The following PKHD1 variants were observed in gnomAD, a reference collection of about 807,000 sequenced individuals.
The protein encoded by PKHD1 is fibrocystin.
PKHD1 carries 291 observed loss-of-function variants against 412.0 expected under a neutral mutation model. That is an observed-to-expected ratio of 0.71 (90% CI 0.64 to 0.78). The LOEUF (loss-of-function observed/expected upper bound fraction) is 0.78. PKHD1 is among the 30% of genes least tolerant of loss of function. The pLI is 0.00. For missense variants in PKHD1, 4,825 were observed against 4,950.7 expected, an observed-to-expected ratio of 0.97 and a Z score of 0.76; for synonymous variants, 1,777 against 1,821.5, an observed-to-expected ratio of 0.98 and a Z score of 0.62.
chr6:52,045,143 T>C, intron 24 of PKHD1, 55 bp from the exon 25 acceptor site: 1 of 1,564,208 alleles, frequency 6.4e-7, no homozygotes, highest in Non-Finnish European at 8.8e-7. Flanking sequence ...TCTAATCTCG[T>C]CTAATCAAAT....
chr6:51,965,035 A>G (rs937676511), intron 35 of PKHD1, among the ~76,000 whole-genome samples: 1 of 152,048 alleles, frequency 6.6e-6, no homozygotes, highest in Admixed American at 6.6e-5. Flanking sequence ...TATTCTCCCA[A>G]TTAATACTCT....
intron 63 of PKHD1, among the ~76,000 whole-genome samples, chr6:51,646,983 C>G (rs751773569): frequency 6.6e-6 from 1 of 152,134 alleles, no homozygotes; most frequent in African/African-American, 2.4e-5. Context: ...AGAGCGCAGC[C>G]CAAACTCCCC....
At chr6:51,853,648 G>A (rs1289633092) in intron 49 of PKHD1, among the ~76,000 whole-genome samples, 1 of 151,714 alleles carries the variant, frequency 6.6e-6, no homozygotes, top group Non-Finnish European at 1.5e-5. Flanking sequence ...TTGTGTGCAT[G>A]TCTTATTTCA....
chr6:51,796,940 A>C (rs564964812), intron 52 of PKHD1, among the ~76,000 whole-genome samples: 1 of 151,316 alleles, frequency 6.6e-6, no homozygotes, highest in African/African-American at 2.4e-5. Context: ...CAGGCTCCTG[A>C]GTAGCTGGGA....
At chr6:52,079,621 G>A (rs1317562647) in intron 5 of PKHD1, among the ~76,000 whole-genome samples, 1 of 152,166 alleles carries the variant, frequency 6.6e-6, no homozygotes, top group Non-Finnish European at 1.5e-5. Context: ...CTGAGCCTCA[G>A]ATTGTTCATT....
intron 60 of PKHD1, among the ~76,000 whole-genome samples, chr6:51,670,890 G>T (rs1360492974): frequency 6.6e-6 from 1 of 151,772 alleles, no homozygotes; most frequent in African/African-American, 2.4e-5. Context: ...CTCTCTTCTG[G>T]CTTGTAGAGT....
intron 52 of PKHD1, among the ~76,000 whole-genome samples, chr6:51,817,621 T>C (rs1179548842): frequency 6.6e-6 from 1 of 152,176 alleles, no homozygotes; most frequent in Non-Finnish European, 1.5e-5. Context: ...CGTTCACCGA[T>C]TATGAATGAA....
intron 1 of PKHD1, among the ~76,000 whole-genome samples, chr6:52,085,779 G>T (rs2894796): frequency 0.038 from 5,725 of 152,078 alleles, 117 homozygotes; most frequent in Non-Finnish European, 0.049. Flanking sequence ...CAGTACATTG[G>T]AGTGGATGAA....
intron 36 of PKHD1, among the ~76,000 whole-genome samples, chr6:51,959,664 T>C (rs141619388): frequency 4.9e-4 from 74 of 152,160 alleles, no homozygotes; most frequent in African/African-American, 1.7e-3. Flanking sequence ...CTAATCAAGC[T>C]CTGTGCTTAT....
intron 55 of PKHD1, among the ~76,000 whole-genome samples, chr6:51,769,049 A>G (rs994479246): frequency 4.6e-5 from 7 of 151,634 alleles, no homozygotes; most frequent in Non-Finnish European, 7.4e-5. Context: ...GTTCACTTGA[A>G]TGAAACACAT....
chr6:51,874,619 G>A (rs1413420322), intron 46 of PKHD1, among the ~76,000 whole-genome samples: 1 of 152,074 alleles, frequency 6.6e-6, no homozygotes, highest in Non-Finnish European at 1.5e-5. Context: ...CAATGGACAG[G>A]CCAAATTCTT....
intron 36 of PKHD1, among the ~76,000 whole-genome samples, chr6:51,943,596 G>C (rs549014228): frequency 7.9e-5 from 12 of 151,548 alleles, no homozygotes; most frequent in Admixed American, 3.3e-4. Context: ...AATAATCTTT[G>C]CTGGCAGGGC....
chr6:52,070,276 C>T, intron 10 of PKHD1, 130 bp downstream of exon 10: 1 of 708,714 alleles, frequency 1.4e-6, no homozygotes, highest in Non-Finnish European at 2.5e-6. Context: ...TATGTGGTCT[C>T]ATTATACTAT....
chr6:51,700,544 G>C (rs1044270575), intron 60 of PKHD1, among the ~76,000 whole-genome samples: 1 of 152,000 alleles, frequency 6.6e-6, no homozygotes, highest in Non-Finnish European at 1.5e-5. Context: ...CCAAGTGGAA[G>C]ACAATAGCAC....
intron 43 of PKHD1, among the ~76,000 whole-genome samples, chr6:51,900,760 A>G (rs376592810): frequency 2.6e-5 from 4 of 151,622 alleles, no homozygotes; most frequent in East Asian, 1.9e-4. Flanking sequence ...GAAAATTTTC[A>G]CAACCTACTC....
chr6:51,662,503 A>C (rs577677222), intron 60 of PKHD1, among the ~76,000 whole-genome samples: 1 of 152,114 alleles, frequency 6.6e-6, no homozygotes, highest in South Asian at 2.1e-4. Context: ...GGAAAAAAAT[A>C]ACAGAACTGC....
chr6:51,968,711 C>T (rs1793212913), intron 35 of PKHD1, among the ~76,000 whole-genome samples: 1 of 152,170 alleles, frequency 6.6e-6, no homozygotes, highest in Admixed American at 6.5e-5. Context: ...CAGGAACAGA[C>T]ATGATCCAGG....
chr6:52,053,540 T>G (rs1160151021), intron 20 of PKHD1, among the ~76,000 whole-genome samples: 1 of 152,218 alleles, frequency 6.6e-6, no homozygotes, highest in Non-Finnish European at 1.5e-5. Context: ...CTGTGTGTCT[T>G]AAGCAAATTA....
intron 37 of PKHD1, among the ~76,000 whole-genome samples, chr6:51,931,103 C>G (rs569794435): frequency 6.6e-6 from 1 of 152,282 alleles, no homozygotes; most frequent in South Asian, 2.1e-4. Flanking sequence ...TGTGGCAGAA[C>G]TGGGCCCATT....
Sources: allele counts gnomAD v4.1 joint callset (sites outside exome capture counted in the v4.1 genomes callset), GRCh38; gene constraint gnomAD v4.1.1; transcripts MANE v1.5; gene names NCBI Gene and HGNC (gene_info 2026-07-23, HGNC 2026-07-21).